The following NXPE4 variants were observed in gnomAD, a reference collection of about 807,000 sequenced individuals.
The protein encoded by NXPE4 is neurexophilin and PC-esterase domain family member 4, also known as NXPE family member 4.
Under a neutral mutation model 33.3 loss-of-function variants are expected in NXPE4, and 42 were observed. The observed-to-expected ratio is 1.26, with a 90% confidence interval of 0.98 to 1.63. The LOEUF (loss-of-function observed/expected upper bound fraction) is 1.63. Among genes scored for constraint, NXPE4 ranks in the 40% most tolerant of loss-of-function variants. The pLI is 0.00. For missense variants in NXPE4, 709 were observed against 647.6 expected (o/e 1.09, Z -1.03); for synonymous variants, 253 against 234.9 (o/e 1.08, Z -0.71).
chr11:114,605,538 G>A, the NXPE4 span, among the ~76,000 whole-genome samples: 2 of 150,882 alleles, frequency 1.3e-5, no homozygotes, highest in African/African-American at 2.4e-5. Flanking sequence ...GGTGGATAAT[G>A]TGTTGCCTCA....
At chr11:114,627,984 T>A in the NXPE4 span, among the ~76,000 whole-genome samples, 1 of 151,968 alleles carries the variant, frequency 6.6e-6, no homozygotes, top group African/African-American at 2.4e-5. Context: ...CCTAAATATA[T>A]ATGGACCCAA....
the NXPE4 span, among the ~76,000 whole-genome samples, chr11:114,606,940 C>G: frequency 6.6e-6 from 1 of 151,762 alleles, no homozygotes; most frequent in Non-Finnish European, 1.5e-5. Context: ...TGGGTAACCA[C>G]TGTTATCCTG....
intron 5 of NXPE4, among the ~76,000 whole-genome samples, chr11:114,572,751 A>T (rs1361408581): frequency 6.6e-6 from 1 of 152,170 alleles, no homozygotes; most frequent in Non-Finnish European, 1.5e-5. Context: ...TGGTATTCCC[A>T]AGGAAGAAGA....
chr11:114,573,747 T>C (rs1490437989), intron 5 of NXPE4, among the ~76,000 whole-genome samples: 3 of 151,208 alleles, frequency 2.0e-5, no homozygotes, highest in Admixed American at 6.6e-5. Context: ...AAATGAGAGA[T>C]GGCAATACAA....
chr11:114,606,952 G>A, the NXPE4 span, among the ~76,000 whole-genome samples: 47 of 151,794 alleles, frequency 3.1e-4, no homozygotes, highest in Non-Finnish European at 1.2e-4. Flanking sequence ...GTTATCCTGT[G>A]GATAATAAGT....
chr11:114,631,678 A>C, the NXPE4 span, among the ~76,000 whole-genome samples: 14,030 of 151,502 alleles, frequency 0.093, 831 homozygotes, highest in Middle Eastern at 0.2. Context: ...TATATATATA[A>C]AAAAAGTATT....
the NXPE4 span, among the ~76,000 whole-genome samples, chr11:114,663,613 C>T: frequency 4.1e-5 from 4 of 98,268 alleles, no homozygotes; most frequent in African/African-American, 1.4e-4. Context: ...ATCTATCTAT[C>T]TATCTATCTA....
chr11:114,645,965 T>C, the NXPE4 span, among the ~76,000 whole-genome samples: 2 of 152,124 alleles, frequency 1.3e-5, no homozygotes, highest in African/African-American at 4.8e-5. Context: ...ATTAAATATG[T>C]ATATAGCCTT....
chr11:114,644,074 A>G, the NXPE4 span, among the ~76,000 whole-genome samples: 1 of 151,992 alleles, frequency 6.6e-6, no homozygotes, highest in Admixed American at 6.6e-5. Context: ...ATTGGTGTAT[A>G]AGAATGCTTG....
At chr11:114,670,801 T>A in the NXPE4 span, among the ~76,000 whole-genome samples, 1 of 151,794 alleles carries the variant, frequency 6.6e-6, no homozygotes, top group Admixed American at 6.6e-5. Flanking sequence ...AATATTCAGT[T>A]TTCAACAAAA....
the NXPE4 span, among the ~76,000 whole-genome samples, chr11:114,628,489 C>T: frequency 1.3e-4 from 20 of 151,938 alleles, no homozygotes; most frequent in African/African-American, 2.9e-4. Context: ...AAAGACACAA[C>T]GTACCAGAAT....
chr11:114,654,318 G>T, the NXPE4 span, among the ~76,000 whole-genome samples: 2 of 151,778 alleles, frequency 1.3e-5, no homozygotes, highest in Non-Finnish European at 2.9e-5. Context: ...CAGGAAAGTT[G>T]TTTAAAATCT....
At chr11:114,609,446 C>T in the NXPE4 span, among the ~76,000 whole-genome samples, 1 of 151,802 alleles carries the variant, frequency 6.6e-6, no homozygotes. Flanking sequence ...TCTCTGGTAA[C>T]CACTGTTACC....
the NXPE4 span, among the ~76,000 whole-genome samples, chr11:114,648,441 C>T: frequency 6.6e-6 from 1 of 152,198 alleles, no homozygotes; most frequent in Non-Finnish European, 1.5e-5. Context: ...TTGTTCTATT[C>T]AGGCTTTCAC....
At chr11:114,678,097 C>T in the NXPE4 span, among the ~76,000 whole-genome samples, 1 of 152,076 alleles carries the variant, frequency 6.6e-6, no homozygotes, top group Non-Finnish European at 1.5e-5. Flanking sequence ...ACAAAGAAAG[C>T]ACTCCAAAAA....
the NXPE4 span, among the ~76,000 whole-genome samples, chr11:114,605,987 G>C: frequency 1.3e-5 from 2 of 151,294 alleles, no homozygotes; most frequent in Non-Finnish European, 2.9e-5. Flanking sequence ...ATTGTTACCA[G>C]GTGGATACTA....
intron 5 of NXPE4, among the ~76,000 whole-genome samples, chr11:114,572,633 A>G (rs1052117399): frequency 2.6e-5 from 4 of 152,208 alleles, no homozygotes; most frequent in Non-Finnish European, 5.9e-5. Context: ...GCTAGAAGAC[A>G]AGGCTTTAGA....
chr11:114,584,896 C>A (rs1251289620), intron 2 of NXPE4, among the ~76,000 whole-genome samples: 2 of 152,154 alleles, frequency 1.3e-5, no homozygotes, highest in Admixed American at 1.3e-4. Flanking sequence ...GCCTTGCCAC[C>A]TATCCCTCTG....
chr11:114,670,987 G>C, the NXPE4 span, among the ~76,000 whole-genome samples: 1 of 149,150 alleles, frequency 6.7e-6, no homozygotes, highest in African/African-American at 2.5e-5. Context: ...AAAAAGAAAG[G>C]AAATTATTAT....
Sources: allele counts gnomAD v4.1 joint callset (sites outside exome capture counted in the v4.1 genomes callset), GRCh38; gene constraint gnomAD v4.1.1; transcripts MANE v1.5; gene names NCBI Gene and HGNC (gene_info 2026-07-23, HGNC 2026-07-21).